The following GRID1 variants were observed in gnomAD, a reference collection of about 807,000 sequenced individuals.
GRID1 encodes the protein glutamate receptor ionotropic, delta-1.
In GRID1, 28 loss-of-function variants were observed where a neutral mutation model predicts 98.0. That is an observed-to-expected ratio of 0.29 (90% CI 0.21 to 0.39). The LOEUF is 0.39. Ranked by LOEUF, GRID1 falls within the 10% of genes least tolerant of loss-of-function variation. GRID1 has a pLI of 1.00. For synonymous variants in GRID1, 553 were observed against 538.5 expected (o/e 1.03, Z -0.37); for missense variants, 1,111 against 1,340.5 (o/e 0.83, Z 2.67).
intron 13 of GRID1, among the ~76,000 whole-genome samples, chr10:85,632,668 C>T (rs548765214): frequency 2.6e-5 from 4 of 152,238 alleles, no homozygotes; most frequent in South Asian, 4.1e-4. Context: ...CTCAGCCTCC[C>T]GAGTAGCTGG....
intron 4 of GRID1, among the ~76,000 whole-genome samples, chr10:85,977,950 A>T (rs1173527943): frequency 6.6e-6 from 1 of 152,202 alleles, no homozygotes; most frequent in African/African-American, 2.4e-5. Context: ...CTGTGATCAC[A>T]GACGCCACTC....
intron 2 of GRID1, among the ~76,000 whole-genome samples, chr10:86,238,706 A>G (rs1331500792): frequency 6.6e-6 from 1 of 150,826 alleles, no homozygotes; most frequent in Non-Finnish European, 1.5e-5. Context: ...TGGCGGGGCA[A>G]GGTACAGCTT....
intron 5 of GRID1, among the ~76,000 whole-genome samples, chr10:85,885,074 G>A (rs1298467604): frequency 1.3e-5 from 2 of 152,074 alleles, no homozygotes; most frequent in African/African-American, 2.4e-5. Context: ...AAAAAGAATC[G>A]CTGTCTCTAA....
intron 4 of GRID1, among the ~76,000 whole-genome samples, chr10:85,976,075 G>A (rs1023591714): frequency 2.6e-5 from 4 of 152,118 alleles, no homozygotes; most frequent in Admixed American, 6.5e-5. Context: ...CAACACTTCC[G>A]TGATGTGTGC....
At chr10:86,123,512 G>T (rs1366295365) in intron 4 of GRID1, among the ~76,000 whole-genome samples, 1 of 152,172 alleles carries the variant, frequency 6.6e-6, no homozygotes, top group Middle Eastern at 3.2e-3. Context: ...CCACACACTG[G>T]CATCCCTGAT....
chr10:85,769,289 A>G (rs921955770), intron 8 of GRID1, among the ~76,000 whole-genome samples: 2 of 152,230 alleles, frequency 1.3e-5, no homozygotes, highest in African/African-American at 4.8e-5. Flanking sequence ...GTTCTCACTC[A>G]TAAGTGGGAG....
intron 3 of GRID1, among the ~76,000 whole-genome samples, chr10:86,151,012 G>A (rs561361453): frequency 1.3e-3 from 203 of 152,280 alleles, no homozygotes; most frequent in African/African-American, 4.8e-3. Context: ...TCTTATCCAG[G>A]TCTGACTTCT....
intron 2 of GRID1, among the ~76,000 whole-genome samples, chr10:86,298,947 T>C (rs558859966): frequency 1.3e-5 from 2 of 152,008 alleles, no homozygotes; most frequent in East Asian, 3.9e-4. Context: ...GTGGACAGCA[T>C]CCCGTCTTCC....
At chr10:86,012,594 C>A (rs964864041) in intron 4 of GRID1, among the ~76,000 whole-genome samples, 3 of 152,268 alleles carry the variant, frequency 2.0e-5, no homozygotes, top group Admixed American at 6.5e-5. Context: ...TGTGTCCCCC[C>A]CAAAATTCAG....
intron 4 of GRID1, among the ~76,000 whole-genome samples, chr10:85,967,698 T>C (rs1397704317): frequency 6.6e-6 from 1 of 152,168 alleles, no homozygotes; most frequent in Non-Finnish European, 1.5e-5. Context: ...GCTCAATCAA[T>C]GCTAAGAAGG....
chr10:86,049,570 G>A (rs1004730671), intron 4 of GRID1, among the ~76,000 whole-genome samples: 1 of 152,188 alleles, frequency 6.6e-6, no homozygotes, highest in African/African-American at 2.4e-5. Flanking sequence ...GGCAAAGGCT[G>A]CTTCTCACTG....
chr10:86,070,024 G>A (rs1241554341), intron 4 of GRID1, among the ~76,000 whole-genome samples: 2 of 152,174 alleles, frequency 1.3e-5, no homozygotes, highest in East Asian at 3.9e-4. Context: ...CTTGCAGAAG[G>A]AAAGCCAGGA....
rs190114203 is a variant in GRID1, at chr10:86,049,061, T to C, written c.726+89758A>G. ...GAGGCTGGAGCTACCACTAGCCCTG[T>C]TTCACAGATGAGGAGAGGAGGCTCA... On this transcript the variant is annotated intron_variant, in intron 4 of 15. Transcript: ENST00000327946. Among the ~76,000 whole-genome samples the C allele has an allele frequency of 4.6e-5, 7 of 152,364 alleles. No individual in the cohort carries two copies. In the East Asian group the frequency reaches 1.3e-3, roughly 29 times the overall value.
chr10:86,345,317 G>T (rs905927444), intron 2 of GRID1, among the ~76,000 whole-genome samples: 1 of 152,212 alleles, frequency 6.6e-6, no homozygotes, highest in Non-Finnish European at 1.5e-5. Flanking sequence ...AGGAACAGGG[G>T]ACCCTGGGGT....
intron 13 of GRID1, among the ~76,000 whole-genome samples, chr10:85,630,170 G>C (rs1263332443): frequency 6.6e-6 from 1 of 152,150 alleles, no homozygotes; most frequent in East Asian, 1.9e-4. Context: ...CCTTTATAGA[G>C]TCTTCAATCC....
chr10:86,048,577 G>A (rs1843457128), intron 4 of GRID1, among the ~76,000 whole-genome samples: 1 of 152,190 alleles, frequency 6.6e-6, no homozygotes, highest in African/African-American at 2.4e-5. Context: ...CTGGGCTGAA[G>A]CCCCAGCACA....
intron 5 of GRID1, among the ~76,000 whole-genome samples, chr10:85,898,537 C>T (rs578025578): frequency 6.6e-6 from 1 of 152,296 alleles, no homozygotes; most frequent in Non-Finnish European, 1.5e-5. Flanking sequence ...CAATGTATAG[C>T]TATACAAAAT....
At chr10:85,686,775 T>C (rs1055436003) in intron 12 of GRID1, among the ~76,000 whole-genome samples, 2 of 152,096 alleles carry the variant, frequency 1.3e-5, no homozygotes, top group African/African-American at 2.4e-5. Context: ...TTGTTTGTTA[T>C]ATTACTTTTA....
At chr10:86,197,931 T>C (rs180753046) in intron 3 of GRID1, among the ~76,000 whole-genome samples, 166 of 152,222 alleles carry the variant, frequency 1.1e-3, no homozygotes, top group African/African-American at 3.5e-3. Flanking sequence ...TCCTAGCAAT[T>C]AAACTCACTT....
Sources: gnomAD v4.1 joint callset for allele counts (sites outside exome capture counted in the v4.1 genomes callset) on GRCh38, gnomAD v4.1.1 for gene constraint, MANE v1.5 for transcripts, NCBI Gene and HGNC (gene_info 2026-07-23, HGNC 2026-07-21) for gene names.